Variants in TET3 observed in about 807,000 individuals in gnomAD.
The protein encoded by TET3 is tet methylcytosine dioxygenase 3, also known as methylcytosine dioxygenase TET3.
Under a neutral mutation model 141.4 loss-of-function variants are expected in TET3, and 19 were observed. The observed-to-expected ratio is 0.13, with a 90% CI of 0.09 to 0.20. The LOEUF (loss-of-function observed/expected upper bound fraction) is 0.20, where lower values mean the gene tolerates loss of function less well. Ranked by LOEUF, TET3 falls within the 10% of genes least tolerant of loss-of-function variation. TET3 has a pLI of 1.00. For missense variants in TET3, 1,874 were observed against 2,356.9 expected (o/e 0.80, Z 4.24); for synonymous variants, 1,043 against 980.9 (o/e 1.06, Z -1.18).
intron 10 of TET3, among the ~76,000 whole-genome samples, chr2:74,096,402 G>A (rs553299029): frequency 2.0e-5 from 3 of 152,166 alleles, no homozygotes; most frequent in South Asian, 2.1e-4. Flanking sequence ...TCTGTTCAGC[G>A]TAATAAAACA....
intron 4 of TET3, among the ~76,000 whole-genome samples, chr2:74,066,114 G>A (rs1688884859): frequency 6.6e-6 from 1 of 152,254 alleles, no homozygotes; most frequent in Admixed American, 6.5e-5. Context: ...AGAGCTAGGG[G>A]TACTTACAGC....
At chr2:73,984,377 G>C (rs1191227423), upstream of TET3, among the ~76,000 whole-genome samples, 1 of 152,214 alleles carries the variant, frequency 6.6e-6, no homozygotes, top group Non-Finnish European at 1.5e-5. The surrounding 1 kb of genome is among the most constrained non-coding windows in gnomAD (Gnocchi z 5.6). Context: ...TTGCCGGCCA[G>C]GCTGACTCGG....
intron 8 of TET3, among the ~76,000 whole-genome samples, chr2:74,091,184 G>A (rs575905566): frequency 2.8e-4 from 42 of 152,028 alleles, no homozygotes; most frequent in Non-Finnish European, 4.7e-4. Flanking sequence ...TTTTATTTAC[G>A]GTAAGATTCA....
chr2:74,031,885 GA>G (rs1473659424), intron 3 of TET3, among the ~76,000 whole-genome samples: 1 of 152,154 alleles, frequency 6.6e-6, no homozygotes, highest in Non-Finnish European at 1.5e-5. Context: ...TTCTCCAAAA[GA>G]ATGATTAGAA....
chr2:74,129,311 C>A, the TET3 span, among the ~76,000 whole-genome samples: 2 of 69,458 alleles, frequency 2.9e-5, no homozygotes, highest in African/African-American at 1.3e-4. Context: ...AGTGAAACTC[C>A]GTCTCAAAAA....
chr2:74,130,505 A>C, the TET3 span: 1 of 152,258 alleles, frequency 6.6e-6, no homozygotes, highest in Non-Finnish European at 1.5e-5. Context: ...TGGCCCGAAG[A>C]AGGCAGCTGG....
intron 5 of TET3, among the ~76,000 whole-genome samples, chr2:74,078,197 C>G (rs904013799): frequency 8.6e-5 from 13 of 151,618 alleles, no homozygotes; most frequent in Admixed American, 8.5e-4. Context: ...AAAATTAATT[C>G]GTTAATTAAA....
At chr2:74,085,745 C>G (rs768014071) in intron 6 of TET3, among the ~76,000 whole-genome samples, 10 of 152,236 alleles carry the variant, frequency 6.6e-5, no homozygotes, top group Non-Finnish European at 1.2e-4. Context: ...CAGTTCATAA[C>G]AGGCCACAGA....
At chr2:74,097,868 A>G (rs1459632633) in intron 10 of TET3, among the ~76,000 whole-genome samples, 1 of 152,152 alleles carries the variant, frequency 6.6e-6, no homozygotes, top group East Asian at 1.9e-4. Flanking sequence ...GCAGGGAGCC[A>G]TTTGCTATCT....
In TET3 at chr2:74,078,956, C is replaced by T. The variant is rs529409558; in HGVS notation, c.2586-1542C>T. Among the ~76,000 whole-genome samples, 14 of 152,332 alleles carry T rather than the reference C, an allele frequency of 9.2e-5. No homozygotes were observed. In the South Asian group the frequency reaches 2.5e-3, roughly 27 times the overall value. On this transcript the variant is annotated intron_variant, in intron 5 of 11. Transcript: ENST00000409262. Reference sequence around the variant, plus strand: ...CACCCTTCAAAGTAAGGAAATCTGTCGCTTTCCCAAAGTTAGCCAGTTTCA... The same window carrying T: ...CACCCTTCAAAGTAAGGAAATCTGTTGCTTTCCCAAAGTTAGCCAGTTTCA...
At chr2:74,120,370 G>A in the TET3 span, among the ~76,000 whole-genome samples, 6 of 152,250 alleles carry the variant, frequency 3.9e-5, no homozygotes, top group Non-Finnish European at 5.9e-5. Context: ...GAGAGATGGC[G>A]GGCGACGTCC....
intron 3 of TET3, among the ~76,000 whole-genome samples, chr2:74,010,299 G>A (rs1313083210): frequency 1.3e-5 from 2 of 152,178 alleles, no homozygotes; most frequent in Non-Finnish European, 2.9e-5. Context: ...GCCTCCATGT[G>A]GGGGGTGTTG....
chr2:74,004,834 C>A (rs1685068651), intron 3 of TET3, among the ~76,000 whole-genome samples: 1 of 152,188 alleles, frequency 6.6e-6, no homozygotes, highest in Non-Finnish European at 1.5e-5. Flanking sequence ...CCTCCCGCTG[C>A]TGGCTGGAGG....
At chr2:74,055,535 C>CA (rs1688171698) in intron 4 of TET3, among the ~76,000 whole-genome samples, 1 of 152,188 alleles carries the variant, frequency 6.6e-6, no homozygotes, top group Admixed American at 6.5e-5. Context: ...ATCATGCTAG[C>CA]AGTCATTGAC....
rs1023337942 is a variant in TET3, at chr2:74,107,427, C to T, written c.*5251C>T. ...GCTCCCTCTTCGCGTTTTGACTACCCGTCATTCAGGGGTAACTCATCACTC... is the reference window on the plus strand; with the variant it reads ...GCTCCCTCTTCGCGTTTTGACTACCTGTCATTCAGGGGTAACTCATCACTC... On this transcript the variant is annotated 3_prime_UTR_variant, in exon 12 of 12. Transcript: ENST00000409262. 4 of 152,156 alleles carry T rather than the reference C, an allele frequency of 2.6e-5. No individual in the cohort carries two copies. Among genetic ancestry groups the T allele is most frequent in the East Asian group, 1.9e-4 (1 of 5,202 alleles). The allele number at this position is 152,156 out of a possible 1,614,324, so 9.4% of individuals were successfully genotyped here. A position where few individuals can be genotyped will look rare whatever the true frequency, so the allele number is the denominator to read the frequency against.
intron 4 of TET3, among the ~76,000 whole-genome samples, chr2:74,067,619 T>C (rs971788742): frequency 6.6e-6 from 1 of 152,114 alleles, no homozygotes; most frequent in African/African-American, 2.4e-5. Context: ...GCTCTAGAAG[T>C]CCAGAGGGAA....
At chr2:74,122,457 A>ATATATATGTGTGTGTG in the TET3 span, 1 of 127,502 alleles carries the variant, frequency 7.8e-6, no homozygotes, top group Non-Finnish European at 1.6e-5. Context: ...AAATATATAT[A>ATATATATGTGTGTGTG]TGTGTGTGTG....
chr2:74,032,442 GGTGTGTCTCTGTGTGTGTGTGTGT>G (rs1228705415), intron 3 of TET3, among the ~76,000 whole-genome samples: 3 of 94,800 alleles, frequency 3.2e-5, no homozygotes, highest in Non-Finnish European at 4.3e-5. Flanking sequence ...CTGCAAGAGG[GGTGTGTCTCTGTGTGTGTGTGTGT>G]GTGTGTGTGT....
intron 3 of TET3, among the ~76,000 whole-genome samples, chr2:74,031,038 A>G (rs151025001): frequency 6.6e-6 from 1 of 151,868 alleles, no homozygotes; most frequent in Non-Finnish European, 1.5e-5. Context: ...TGTAAATGTG[A>G]TGGGCTTAAG....
Sources: allele counts gnomAD v4.1 joint callset (sites outside exome capture counted in the v4.1 genomes callset), GRCh38; gene constraint gnomAD v4.1.1; non-coding constraint Gnocchi (gnomAD v3.1); transcripts MANE v1.5; gene names NCBI Gene and HGNC (gene_info 2026-07-23, HGNC 2026-07-21).